Variants in RAP1GDS1 observed in about 807,000 individuals in gnomAD.
The protein encoded by RAP1GDS1 is RAP1, GTP-GDP dissociation stimulator 1.
A neutral mutation model predicts 71.1 loss-of-function variants in RAP1GDS1; 35 were observed. The observed-to-expected ratio is 0.49, with a 90% CI of 0.38 to 0.65. RAP1GDS1 has a LOEUF of 0.65. Ranked by LOEUF, RAP1GDS1 falls within the 30% of genes least tolerant of loss-of-function variation. RAP1GDS1 has a pLI of 0.00. For missense variants in RAP1GDS1, 663 were observed against 706.1 expected (o/e 0.94, Z 0.69); for synonymous variants, 229 against 243.1 (o/e 0.94, Z 0.54).
intron 2 of RAP1GDS1, among the ~76,000 whole-genome samples, chr4:98,323,806 A>G (rs200346080): frequency 6.6e-6 from 1 of 151,294 alleles, no homozygotes; most frequent in African/African-American, 2.4e-5. Flanking sequence ...ACAAACCCAC[A>G]GCCAATATCA....
intron 4 of RAP1GDS1, among the ~76,000 whole-genome samples, chr4:98,367,492 C>T (rs776536297): frequency 6.6e-6 from 1 of 152,190 alleles, no homozygotes; most frequent in Non-Finnish European, 1.5e-5. Flanking sequence ...GGGCCACCAT[C>T]CTCCAGACCC....
chr4:98,428,955 C>T (rs1353679338), intron 12 of RAP1GDS1, among the ~76,000 whole-genome samples: 2 of 152,064 alleles, frequency 1.3e-5, no homozygotes, highest in Non-Finnish European at 1.5e-5. Context: ...CATCAGTTAA[C>T]GAGTGAATAA....
chr4:98,352,700 C>T, intron 4 of RAP1GDS1, 99 bp downstream of exon 4: 1 of 1,313,548 alleles, frequency 7.6e-7, no homozygotes, highest in Non-Finnish European at 1.0e-6. Context: ...TAGGCTAAAA[C>T]ACTAACATGG....
rs945892032 is a variant in RAP1GDS1, at chr4:98,428,447, A to G, written c.1441-5489A>G. 3.3e-5 allele frequency among the ~76,000 whole-genome samples: 5 copies of G among 152,212 alleles called. No homozygotes were observed. In the South Asian group the frequency reaches 8.3e-4, roughly 25 times the overall value. On this transcript the variant is annotated intron_variant, in intron 12 of 14. Transcript: ENST00000408927. ...GAGTGGAAGAAAATCTTCACAATCT[A>G]TACATCTGACAGAGGACTAATATCC... is the stretch of plus-strand genomic sequence containing the variant.
intron 7 of RAP1GDS1, among the ~76,000 whole-genome samples, chr4:98,410,147 C>T (rs778808601): frequency 1.3e-5 from 2 of 151,984 alleles, no homozygotes; most frequent in Non-Finnish European, 2.9e-5. Flanking sequence ...TTTTTAAAGA[C>T]ACCGTTAAGA....
chr4:98,326,431 G>T (rs1305333557), intron 2 of RAP1GDS1, among the ~76,000 whole-genome samples: 1 of 151,916 alleles, frequency 6.6e-6, no homozygotes, highest in Admixed American at 6.6e-5. Flanking sequence ...TTCGATAACT[G>T]CTGAATTTCT....
intron 5 of RAP1GDS1, among the ~76,000 whole-genome samples, chr4:98,381,447 T>A (rs1742009009): frequency 1.3e-5 from 2 of 151,662 alleles, no homozygotes; most frequent in Non-Finnish European, 3.0e-5. Flanking sequence ...AAAGCGTCTT[T>A]ATTGTTTTGT....
intron 2 of RAP1GDS1, among the ~76,000 whole-genome samples, chr4:98,327,610 C>T (rs1271740264): frequency 6.6e-6 from 1 of 152,140 alleles, no homozygotes; most frequent in Non-Finnish European, 1.5e-5. Flanking sequence ...TTGATTTCAA[C>T]AGCTTTAATT....
chr4:98,346,241 T>C (rs530531761), intron 3 of RAP1GDS1, among the ~76,000 whole-genome samples: 1 of 152,292 alleles, frequency 6.6e-6, no homozygotes, highest in Admixed American at 6.5e-5. Flanking sequence ...TGCAAAGTGT[T>C]TATCAAAACT....
In RAP1GDS1 at chr4:98,343,222, G is replaced by A. The variant is rs773990174; in HGVS notation, c.196G>A (p.Ala66Thr). The change falls in exon 3 of 15, where the codon GCC becomes ACC. Residue 66 changes from alanine (A) to threonine (T), a missense_variant. Transcript: ENST00000408927. ...SLLTPQSSCK[A>T]KVANIIAEVA... ...GTTGACTCCACAGTCTTCCTGCAAA[G>A]CCAAAGTAGCTAACATCATAGCAGA... 6 of 1,606,070 alleles carry A rather than the reference G, an allele frequency of 3.7e-6. No homozygotes were observed. In the South Asian group the frequency reaches 6.6e-5, roughly 18 times the overall value.
At chr4:98,384,262 C>T (rs1330064564) in intron 5 of RAP1GDS1, among the ~76,000 whole-genome samples, 1 of 151,536 alleles carries the variant, frequency 6.6e-6, no homozygotes, top group Admixed American at 6.6e-5. Context: ...TCACTTTTTA[C>T]TCCAGTGAGT....
chr4:98,419,067 T>A (rs894278976), intron 10 of RAP1GDS1, among the ~76,000 whole-genome samples: 4 of 152,212 alleles, frequency 2.6e-5, no homozygotes, highest in Non-Finnish European at 5.9e-5. Flanking sequence ...TAAGCTTTTT[T>A]AAGTTTGAGA....
chr4:98,428,445 C>T (rs1341881997), intron 12 of RAP1GDS1, among the ~76,000 whole-genome samples: 13 of 152,160 alleles, frequency 8.5e-5, no homozygotes, highest in Non-Finnish European at 4.4e-5. Context: ...TCTTCACAAT[C>T]TATACATCTG....
chr4:98,261,431 C>A lies in RAP1GDS1; in HGVS notation c.-135C>A. 2.5e-6 allele frequency: 2 copies of A among 804,146 alleles called. No individual in the cohort carries two copies. Among genetic ancestry groups the A allele is most frequent in the Non-Finnish European group, 3.5e-6 (2 of 579,422 alleles). 49.8% of individuals were successfully genotyped at this position (804,146 alleles called of 1,614,324 possible). On this transcript the variant is annotated 5_prime_UTR_variant, in exon 1 of 15. Coordinates refer to ENST00000408927, the MANE Select transcript of RAP1GDS1 (RefSeq NM_001100427.2). Reference sequence around the variant, plus strand: ...CCGCCTGCAGCAGCACCAGCTGCTCCTCCCCGGCGGCCGCCCCCCGCGGGT... The same window carrying A: ...CCGCCTGCAGCAGCACCAGCTGCTCATCCCCGGCGGCCGCCCCCCGCGGGT...
intron 6 of RAP1GDS1, among the ~76,000 whole-genome samples, chr4:98,400,161 TAAA>T (rs145469468): frequency 2.0e-5 from 3 of 150,428 alleles, no homozygotes; most frequent in African/African-American, 7.3e-5. Flanking sequence ...CATCTCAGTT[TAAA>T]AAAAAACACA....
intron 12 of RAP1GDS1, among the ~76,000 whole-genome samples, chr4:98,425,470 A>G (rs1749483640): frequency 6.6e-6 from 1 of 152,234 alleles, no homozygotes; most frequent in Non-Finnish European, 1.5e-5. Context: ...TTCATTAACT[A>G]TCTGCTGCCT....
intron 2 of RAP1GDS1, chr4:98,296,941 G>A (rs931095760): frequency 5.6e-5 from 19 of 337,606 alleles, no homozygotes; most frequent in Middle Eastern, 3.6e-4. Context: ...TTGTGTTGCC[G>A]GGGGGACCAT....
At chr4:98,299,302 T>A (rs549810157) in intron 2 of RAP1GDS1, among the ~76,000 whole-genome samples, 1 of 152,378 alleles carries the variant, frequency 6.6e-6, no homozygotes, top group East Asian at 1.9e-4. Flanking sequence ...TTATCTAGTC[T>A]ATCATTGATG....
chr4:98,271,302 A>C (rs541693915), intron 1 of RAP1GDS1, among the ~76,000 whole-genome samples: 1 of 152,324 alleles, frequency 6.6e-6, no homozygotes, highest in Admixed American at 6.5e-5. Context: ...CATTGAGTTC[A>C]AAATAAAACT....
Sources: allele counts gnomAD v4.1 joint callset (sites outside exome capture counted in the v4.1 genomes callset), GRCh38; gene constraint gnomAD v4.1.1; transcripts MANE v1.5; gene names NCBI Gene and HGNC (gene_info 2026-07-23, HGNC 2026-07-21).